PLEKHA7: variants seen among roughly 807,000 people sequenced by gnomAD.
PLEKHA7 encodes the protein pleckstrin homology domain-containing family A member 7.
A neutral mutation model predicts 170.0 loss-of-function variants in PLEKHA7; 104 were observed. The ratio of observed to expected loss-of-function variants is 0.61; its 90% confidence interval spans 0.52 to 0.72. The LOEUF (loss-of-function observed/expected upper bound fraction) is 0.72, where lower values mean the gene tolerates loss of function less well. Ranked by LOEUF, PLEKHA7 falls within the 30% of genes least tolerant of loss-of-function variation. PLEKHA7 has a pLI of 0.00. For missense variants in PLEKHA7, 1,615 were observed against 1,671.7 expected, an observed-to-expected ratio of 0.97 and a Z score of 0.59; for synonymous variants, 648 against 660.8, an observed-to-expected ratio of 0.98 and a Z score of 0.30.
At chr11:16,796,408 C>T (rs569753708) in intron 17 of PLEKHA7, among the ~76,000 whole-genome samples, 28 of 152,268 alleles carry the variant, frequency 1.8e-4, no homozygotes, top group African/African-American at 6.7e-4. Flanking sequence ...AAGCCAGTCA[C>T]AAAAAGCCAC....
chr11:16,778,296 CT>C lies in PLEKHA7; in HGVS notation c.*701del. 6.5e-6 allele frequency: 1 copy of C among 152,770 alleles called. No individual in the cohort carries two copies. 9.5% of individuals were successfully genotyped at this position (152,770 alleles called of 1,614,324 possible). ...AAAAAAAAAAAAAGATAGCAAACTG[CT>C]TTTTTCTTTCTGACAAGAGCCTTTT... On this transcript the variant is annotated 3_prime_UTR_variant, in exon 27 of 27. Transcript: ENST00000531066.
chr11:16,965,460 C>T (rs1011886928), intron 3 of PLEKHA7, among the ~76,000 whole-genome samples: 7 of 152,200 alleles, frequency 4.6e-5, no homozygotes, highest in African/African-American at 7.2e-5. Flanking sequence ...AAACCCACCA[C>T]CCTCATCCCC....
chr11:16,779,123 G>C, intron 26 of PLEKHA7, 103 bp from the exon 27 acceptor site: 1 of 692,144 alleles, frequency 1.4e-6, no homozygotes, highest in Non-Finnish European at 2.7e-6. Context: ...CAGAGCAGCA[G>C]AGCAGGGGGC....
intron 3 of PLEKHA7, among the ~76,000 whole-genome samples, chr11:16,970,248 C>T (rs1319632969): frequency 6.6e-6 from 1 of 152,194 alleles, no homozygotes; most frequent in East Asian, 1.9e-4. Context: ...TTTCTCACTC[C>T]AAAGTTGTTT....
At chr11:16,958,787 A>C (rs990045788) in intron 3 of PLEKHA7, among the ~76,000 whole-genome samples, 5 of 152,204 alleles carry the variant, frequency 3.3e-5, no homozygotes, top group African/African-American at 1.2e-4. Context: ...TAGGTGACTT[A>C]TTTTCTACTT....
intron 3 of PLEKHA7, among the ~76,000 whole-genome samples, chr11:16,959,228 T>TGTC: frequency 6.6e-6 from 1 of 151,806 alleles, no homozygotes. Context: ...TGCTCCCCTC[T>TGTC]CTCCCCCTCA....
chr11:16,987,413 T>A lies in PLEKHA7; in HGVS notation c.221+26576A>T, dbSNP rs568963357. Reference sequence around the variant, plus strand: ...AACTTTTGCTCCCTCCTTTTCCTCCTTAAGACAGAACAGCCTGGCAGGAGG... The same window carrying A: ...AACTTTTGCTCCCTCCTTTTCCTCCATAAGACAGAACAGCCTGGCAGGAGG... On this transcript the variant is annotated intron_variant, in intron 3 of 26. Transcript: ENST00000531066. Among the ~76,000 whole-genome samples the A allele has an allele frequency of 4.6e-5, 7 of 152,246 alleles. No individual in the cohort carries two copies. The South Asian group carries it at 1.4e-3, about 32-fold the overall frequency.
chr11:16,925,397 C>A (rs1859440812), intron 3 of PLEKHA7, among the ~76,000 whole-genome samples: 1 of 152,144 alleles, frequency 6.6e-6, no homozygotes, highest in African/African-American at 2.4e-5. Context: ...CATGGCTGGC[C>A]GGGGACTAGC....
At chr11:16,813,205 C>T in intron 12 of PLEKHA7, 39 bp from the exon 13 acceptor site, 1 of 1,559,536 alleles carries the variant, frequency 6.4e-7, no homozygotes, top group Non-Finnish European at 8.8e-7. Context: ...CAGTTATGAA[C>T]ACCAAGAGTT....
intron 6 of PLEKHA7, 54 bp downstream of exon 6, chr11:16,854,835 G>C (rs1199238541): frequency 5.3e-6 from 8 of 1,503,068 alleles, no homozygotes; most frequent in Admixed American, 1.7e-5. Flanking sequence ...TGGGAAAGGA[G>C]AGAACTCAGC....
In PLEKHA7 at chr11:16,940,286, T is replaced by G. The variant is rs1220775339; in HGVS notation, c.222-69104A>C. On this transcript the variant is annotated intron_variant, in intron 3 of 26. Transcript: ENST00000531066. ...CTCAGATCTTTTCTTCTGCTGTTTT[T>G]TTTTTTTTTTTTTTTTTTGAGACAG... Among the ~76,000 whole-genome samples, 44 of 70,608 alleles carry G rather than the reference T, an allele frequency of 6.2e-4. 1 individual carries two copies. Among genetic ancestry groups the G allele is most frequent in the East Asian group, 1.3e-3 (1 of 790 alleles). The allele number at this position is 70,608 out of a possible 152,430, so 46.3% of individuals were successfully genotyped here.
At chr11:16,961,587 C>G (rs952446272) in intron 3 of PLEKHA7, among the ~76,000 whole-genome samples, 1 of 152,212 alleles carries the variant, frequency 6.6e-6, no homozygotes, top group Non-Finnish European at 1.5e-5. Context: ...GTTATTCTCC[C>G]CTGGGCAGCA....
chr11:16,805,808 CA>C (rs1294588606), intron 13 of PLEKHA7, among the ~76,000 whole-genome samples: 18 of 128,900 alleles, frequency 1.4e-4, no homozygotes, highest in African/African-American at 5.7e-4. Flanking sequence ...AAAAAAAAAA[CA>C]AAAACAAAAA....
chr11:16,871,172 G>A lies in PLEKHA7; in HGVS notation c.232C>T (p.Gln78Ter). Residue 78 changes from glutamine (Q) to a stop codon, truncating the protein, a stop_gained, in exon 4 of 27, where the codon CAG becomes TAG. Transcript: ENST00000531066. LOFTEE classifies it high-confidence loss of function. ...ACAGGATGCCTGAATGCTGTGGTCT[G>A]CTGGTTATGGCTAAAGAGAAAGAGA... The part of the protein sequence containing the change: ...GASYFIDHNQ[Q>*]TTAFRHPVTG... 1 of 1,605,976 alleles carries A rather than the reference G, an allele frequency of 6.2e-7. No homozygotes were observed. Among genetic ancestry groups the A allele is most frequent in the Non-Finnish European group, 8.5e-7 (1 of 1,172,846 alleles).
At chr11:16,950,907 C>G (rs1297955960) in intron 3 of PLEKHA7, among the ~76,000 whole-genome samples, 1 of 152,200 alleles carries the variant, frequency 6.6e-6, no homozygotes, top group Non-Finnish European at 1.5e-5. Context: ...ACTGCATTTT[C>G]ACGACACTCA....
At chr11:16,897,054 T>G (rs1336453136) in intron 3 of PLEKHA7, among the ~76,000 whole-genome samples, 3 of 152,184 alleles carry the variant, frequency 2.0e-5, no homozygotes, top group Non-Finnish European at 4.4e-5. Flanking sequence ...TGGATTAGAA[T>G]GTACAACATA....
chr11:16,790,726 G>C, intron 21 of PLEKHA7, 72 bp downstream of exon 21: 1 of 1,460,794 alleles, frequency 6.8e-7, no homozygotes, highest in Non-Finnish European at 9.4e-7. Flanking sequence ...AGAAGGGTAC[G>C]AGGCACCAGC....
At chr11:16,809,927 C>T (rs909468096) in intron 13 of PLEKHA7, among the ~76,000 whole-genome samples, 4 of 152,136 alleles carry the variant, frequency 2.6e-5, no homozygotes, top group Admixed American at 2.0e-4. Flanking sequence ...GTACCAGCTG[C>T]TGTTGTGCTT....
intron 3 of PLEKHA7, among the ~76,000 whole-genome samples, chr11:16,903,028 T>A (rs1183063503): frequency 6.6e-6 from 1 of 152,146 alleles, no homozygotes; most frequent in Non-Finnish European, 1.5e-5. Context: ...AAAAGGAAAA[T>A]GAAAACAATT....
Sources: allele counts gnomAD v4.1 joint callset (sites outside exome capture counted in the v4.1 genomes callset), GRCh38; gene constraint gnomAD v4.1.1; transcripts MANE v1.5; gene names NCBI Gene and HGNC (gene_info 2026-07-23, HGNC 2026-07-21).